Variants in ITGA8 observed in about 807,000 individuals in gnomAD.
ITGA8 encodes the protein integrin alpha-8.
In ITGA8, 91 loss-of-function variants were observed where a neutral mutation model predicts 142.3. The ratio of observed to expected loss-of-function variants is 0.64; its 90% confidence interval spans 0.54 to 0.76. ITGA8 has a LOEUF of 0.76. ITGA8 is among the 30% of genes least tolerant of loss of function. The probability of loss-of-function intolerance (pLI) is 0.00; values close to 1 mark genes in which losing one functional copy is unlikely to be tolerated. For missense variants in ITGA8, 1,406 were observed against 1,327.7 expected (o/e 1.06, Z -0.92); for synonymous variants, 505 against 485.2 (o/e 1.04, Z -0.54).
Position 15,719,720 on chromosome 10 carries a change from C to T in ITGA8, c.52G>A (p.Ala18Thr). The part of the protein sequence containing the change: ...GPRGSQAPLI[A>T]PLCCAAAALG... ...GCGGCCGCGGCGCAGCAGAGGGGCGCGATCAGCGGCGCCTGGCTTCCCCGG... is the reference window on the plus strand; with the variant it reads ...GCGGCCGCGGCGCAGCAGAGGGGCGTGATCAGCGGCGCCTGGCTTCCCCGG... Residue 18 changes from alanine to threonine, a missense_variant, in exon 1 of 30, where the codon GCG becomes ACG. By Grantham distance (58) the Ala-to-Thr change is moderately conservative. Coordinates refer to ENST00000378076, the MANE Select transcript of ITGA8 (RefSeq NM_003638.3). The T allele has an allele frequency of 2.2e-6, 3 of 1,393,676 alleles. No homozygotes were observed. Among genetic ancestry groups the T allele is most frequent in the South Asian group, 1.6e-5 (1 of 62,018 alleles). 86.3% of individuals were successfully genotyped at this position (1,393,676 alleles called of 1,614,324 possible).
intron 4 of ITGA8, among the ~76,000 whole-genome samples, chr10:15,679,348 G>T (rs1227252730): frequency 6.6e-6 from 1 of 152,142 alleles, no homozygotes; most frequent in Non-Finnish European, 1.5e-5. Flanking sequence ...ACTTTGGGAG[G>T]CCAAGGTGCG....
At position 15,672,613 on chromosome 10, in the gene ITGA8, A is replaced by G. The variant is rs187473023; in HGVS notation, c.802+11T>C. ...TGAAAAACCACAAATGTCTTGGGCAATGGGTCTTACCAAGGTAACTGTCAT... is the reference window on the plus strand; with the variant it reads ...TGAAAAACCACAAATGTCTTGGGCAGTGGGTCTTACCAAGGTAACTGTCAT... On this transcript the variant is annotated intron_variant, in intron 7 of 29. Coordinates refer to ENST00000378076, the MANE Select transcript of ITGA8 (RefSeq NM_003638.3). 547 of 1,606,956 alleles carry G rather than the reference A, an allele frequency of 3.4e-4. No individual in the cohort carries two copies. In the African/African-American group the frequency reaches 6.3e-3, roughly 19 times the overall value.
At chr10:15,628,048 C>T (rs183813785) in intron 13 of ITGA8, among the ~76,000 whole-genome samples, 4 of 152,106 alleles carry the variant, frequency 2.6e-5, no homozygotes, top group Non-Finnish European at 4.4e-5. Flanking sequence ...CTCACCAGCC[C>T]TATGACAGTT....
chr10:15,633,748 T>A (rs1833723213), intron 13 of ITGA8, among the ~76,000 whole-genome samples: 1 of 152,126 alleles, frequency 6.6e-6, no homozygotes, highest in Admixed American at 6.6e-5. Flanking sequence ...TCTACCTATA[T>A]TACATAGTCC....
chr10:15,687,319 AG>A (rs1256979297), intron 3 of ITGA8, among the ~76,000 whole-genome samples: 1 of 152,142 alleles, frequency 6.6e-6, no homozygotes, highest in Non-Finnish European at 1.5e-5. Context: ...AAACTAAAAA[AG>A]ACTTCCAGAT....
chr10:15,537,537 A>G (rs1833470983), intron 27 of ITGA8, among the ~76,000 whole-genome samples: 1 of 152,076 alleles, frequency 6.6e-6, no homozygotes, highest in South Asian at 2.1e-4. Flanking sequence ...GACTTTTTGC[A>G]GACACCGGGT....
intron 26 of ITGA8, among the ~76,000 whole-genome samples, chr10:15,557,766 G>A (rs950179739): frequency 6.6e-6 from 1 of 152,224 alleles, no homozygotes; most frequent in Non-Finnish European, 1.5e-5. Flanking sequence ...CAGCATCTAT[G>A]CACGGACTAA....
At chr10:15,562,686 G>C (rs1834005493) in intron 25 of ITGA8, among the ~76,000 whole-genome samples, 1 of 152,192 alleles carries the variant, frequency 6.6e-6, no homozygotes, top group African/African-American at 2.4e-5. Flanking sequence ...AGGCAGGGTA[G>C]CTTGAGGTGT....
intron 20 of ITGA8, among the ~76,000 whole-genome samples, chr10:15,600,907 T>C (rs1392380237): frequency 1.3e-5 from 2 of 152,128 alleles, no homozygotes; most frequent in Non-Finnish European, 2.9e-5. Flanking sequence ...CTTTAGGTAT[T>C]AGAAGCCAGG....
At chr10:15,626,548 G>T (rs1007987334) in intron 13 of ITGA8, among the ~76,000 whole-genome samples, 1 of 152,038 alleles carries the variant, frequency 6.6e-6, no homozygotes, top group Non-Finnish European at 1.5e-5. Context: ...CAATCAAATC[G>T]CTGCTCCTAA....
chr10:15,587,969 A>T (rs949667462), intron 22 of ITGA8, among the ~76,000 whole-genome samples: 1 of 152,172 alleles, frequency 6.6e-6, no homozygotes, highest in African/African-American at 2.4e-5. Flanking sequence ...TACTGAAGTC[A>T]CTAAAAACTT....
chr10:15,661,010 A>G (rs1400089402), intron 8 of ITGA8, 88 bp from the exon 9 acceptor site: 1 of 1,228,742 alleles, frequency 8.1e-7, no homozygotes, highest in East Asian at 2.3e-5. Context: ...TGGTAAAGAC[A>G]GTGCTTGTAA....
chr10:15,577,055 C>A (rs9333182), intron 23 of ITGA8, among the ~76,000 whole-genome samples: 9,833 of 152,216 alleles, frequency 0.065, 358 homozygotes, highest in East Asian at 0.11. Flanking sequence ...TGACAGTCTC[C>A]AAACCCAAAG....
intron 24 of ITGA8, among the ~76,000 whole-genome samples, chr10:15,572,846 G>A (rs1430240506): frequency 6.6e-6 from 1 of 152,108 alleles, no homozygotes; most frequent in Non-Finnish European, 1.5e-5. Flanking sequence ...GCCAAGGCGG[G>A]CCCATGATCA....
chr10:15,687,547 A>G (rs1834854259), intron 3 of ITGA8, among the ~76,000 whole-genome samples: 1 of 152,212 alleles, frequency 6.6e-6, no homozygotes, highest in Admixed American at 6.5e-5. Flanking sequence ...CGGTGTAAAA[A>G]GGATCAATGA....
chr10:15,591,482 G>A (rs1042758399), intron 22 of ITGA8, among the ~76,000 whole-genome samples: 4 of 150,318 alleles, frequency 2.7e-5, no homozygotes, highest in African/African-American at 9.8e-5. Context: ...TTTTAATGTG[G>A]ATCTAGAGCC....
chr10:15,608,201 T>C (rs1270670281), intron 16 of ITGA8, 34 bp downstream of exon 16: 2 of 1,481,198 alleles, frequency 1.4e-6, no homozygotes, highest in South Asian at 1.2e-5. Flanking sequence ...TTTCTTAGTA[T>C]ACCATAAGAA....
chr10:15,522,987 G>A (rs1041873422), intron 28 of ITGA8, among the ~76,000 whole-genome samples: 5 of 151,630 alleles, frequency 3.3e-5, no homozygotes, highest in Non-Finnish European at 5.9e-5. Flanking sequence ...ACTGCACTCC[G>A]TCTGGTTGAC....
At chr10:15,703,224 C>T (rs185224135) in intron 2 of ITGA8, among the ~76,000 whole-genome samples, 24 of 152,198 alleles carry the variant, frequency 1.6e-4, no homozygotes, top group Admixed American at 1.4e-3. Flanking sequence ...TTTTCCTGAT[C>T]CGGATGAGAA....
Sources: allele counts gnomAD v4.1 joint callset (sites outside exome capture counted in the v4.1 genomes callset), GRCh38; gene constraint gnomAD v4.1.1; transcripts MANE v1.5; gene names NCBI Gene and HGNC (gene_info 2026-07-23, HGNC 2026-07-21).